PCDHA8: variants seen among roughly 807,000 people sequenced by gnomAD.
PCDHA8 encodes the protein protocadherin alpha-8.
PCDHA8 carries 53 observed loss-of-function variants against 61.8 expected under a neutral mutation model. The ratio of observed to expected loss-of-function variants is 0.86; its 90% CI spans 0.69 to 1.08. PCDHA8 has a LOEUF of 1.08. PCDHA8 is among the 50% of genes least tolerant of loss of function. The pLI, the probability that PCDHA8 is intolerant of heterozygous loss-of-function variation, is 0.00. For missense variants in PCDHA8, 1,293 were observed against 1,245.0 expected (o/e 1.04, Z -0.58); for synonymous variants, 618 against 556.6 (o/e 1.11, Z -1.55).
chr5:140,900,840 T>C (rs6874218), intron 1 of PCDHA8, among the ~76,000 whole-genome samples: 1 of 151,950 alleles, frequency 6.6e-6, no homozygotes, highest in Admixed American at 6.6e-5. Flanking sequence ...ATGTACAAAG[T>C]TTCCCTTTTT....
intron 1 of PCDHA8, among the ~76,000 whole-genome samples, chr5:140,891,611 T>G (rs1457156522): frequency 6.6e-6 from 1 of 152,226 alleles, no homozygotes; most frequent in East Asian, 1.9e-4. Context: ...TTTCTACCTT[T>G]TATTTTAACA....
intron 1 of PCDHA8, chr5:140,968,059 G>A (rs1554230273): frequency 6.2e-7 from 1 of 1,614,106 alleles, no homozygotes; most frequent in South Asian, 1.1e-5. Context: ...ACCGAGAGCG[G>A]GTGGCTGTCT....
At chr5:140,960,112 T>C (rs145534809) in intron 1 of PCDHA8, among the ~76,000 whole-genome samples, 45 of 152,352 alleles carry the variant, frequency 3.0e-4, no homozygotes, top group Non-Finnish European at 4.3e-4. Flanking sequence ...GTGGGAACAA[T>C]AGTATTCCTT....
chr5:140,852,133 A>G, intron 1 of PCDHA8: 1 of 888,968 alleles, frequency 1.1e-6, no homozygotes, highest in Non-Finnish European at 1.4e-6. Context: ...AAAACTCAGT[A>G]GAGAAAGATC....
rs2150349206 is a variant in PCDHA8, at chr5:140,842,984, G to T, written c.1663G>T (p.Val555Leu). The T allele has an allele frequency of 1.3e-6, 2 of 1,595,034 alleles. No homozygotes were observed. Among genetic ancestry groups the T allele is most frequent in the Non-Finnish European group, 8.6e-7 (1 of 1,165,522 alleles). Residue 555 changes from valine (V) to leucine (L), a missense_variant, in exon 1 of 4, where the codon GTG becomes TTG. By Grantham distance (32) the Val-to-Leu change is conservative. Coordinates refer to ENST00000531613, the MANE Select transcript of PCDHA8 (RefSeq NM_018911.3). ...CAGCAACGTGACGCTGCAGGTGTTC[G>T]TGCTGGACGAGAATGACAACGCGCC... ...LGSNVTLQVF[V>L]LDENDNAPAL...
At chr5:140,871,422 C>T in intron 1 of PCDHA8, 1 of 1,613,658 alleles carries the variant, frequency 6.2e-7, no homozygotes, top group Non-Finnish European at 8.5e-7. Context: ...CCTTCAGCCC[C>T]AGTCTTCCTC....
chr5:140,965,879 G>C (rs920261632), intron 1 of PCDHA8, among the ~76,000 whole-genome samples: 1 of 152,216 alleles, frequency 6.6e-6, no homozygotes, highest in Non-Finnish European at 1.5e-5. Flanking sequence ...ACTTGGCCGA[G>C]AGCAGAATTG....
At chr5:140,961,864 AG>A (rs2095638942) in intron 1 of PCDHA8, among the ~76,000 whole-genome samples, 3 of 151,832 alleles carry the variant, frequency 2.0e-5, no homozygotes, top group Non-Finnish European at 2.9e-5. Context: ...ATCTGGCCAC[AG>A]ATAATTGACT....
chr5:140,954,895 A>G (rs782412576), intron 1 of PCDHA8, among the ~76,000 whole-genome samples: 66 of 152,096 alleles, frequency 4.3e-4, no homozygotes, highest in African/African-American at 1.4e-3. Context: ...TAGGGTTTTT[A>G]TAGTTTCATA....
chr5:140,978,440 T>C, intron 1 of PCDHA8, among the ~76,000 whole-genome samples: 1 of 152,244 alleles, frequency 6.6e-6, no homozygotes. Context: ...GCTGGTGTTA[T>C]GACTGGGCAC....
At position 141,011,610 on chromosome 5, in the gene PCDHA8, A is replaced by G. The variant is rs1259686391; in HGVS notation, c.*1673A>G. ...ACTGGTGATTCAAGGAATTTTATTT[A>G]TGGTCCAGCCAAGAGCCATCTCGTG... On this transcript the variant is annotated 3_prime_UTR_variant, in exon 4 of 4. Transcript: ENST00000531613. 6 of 153,722 alleles carry G rather than the reference A, an allele frequency of 3.9e-5. No individual in the cohort carries two copies. Among genetic ancestry groups the G allele is most frequent in the African/African-American group, 1.2e-4 (5 of 41,448 alleles). 9.5% of individuals were successfully genotyped at this position (153,722 alleles called of 1,614,324 possible). A position where few individuals can be genotyped will look rare whatever the true frequency, so the allele number is the denominator to read the frequency against.
In PCDHA8 at chr5:140,858,243, C is replaced by T. The variant is rs781796341; in HGVS notation, c.2394+14528C>T. On this transcript the variant is annotated intron_variant, in intron 1 of 3. Transcript: ENST00000531613. ...GCGCCCACCGAGGGCGCATGTGGGC[C>T]GGTGAAGCCCACGCTGGTGTGCTCT... The T allele has an allele frequency of 6.9e-6, 11 of 1,595,896 alleles. No homozygotes were observed. The highest frequency in any genetic ancestry group is 6.9e-6 in the Non-Finnish European group (8 of 1,165,828).
rs782722148 is a variant in PCDHA8 at position 140,857,308 on chromosome 5, T to C, written c.2394+13593T>C. 3.4e-5 allele frequency: 54 copies of C among 1,598,232 alleles called. 3 individuals carry two copies. The highest frequency in any genetic ancestry group is 4.5e-5 in the Non-Finnish European group (53 of 1,167,612). On this transcript the variant is annotated intron_variant, in intron 1 of 3. Transcript: ENST00000531613. ...TGGACCGCGAGAGGGTGTCGGCCTA[T>C]GAGCTGGTGGTGACCGCGCGGGACG...
chr5:140,994,258 G>A (rs2097608740), intron 3 of PCDHA8, among the ~76,000 whole-genome samples: 1 of 152,122 alleles, frequency 6.6e-6, no homozygotes, highest in Admixed American at 6.5e-5. Flanking sequence ...GGTAAATAAG[G>A]TAAGCTAGGC....
chr5:140,864,277 T>C (rs1203382304), intron 1 of PCDHA8: 1 of 152,228 alleles, frequency 6.6e-6, no homozygotes, highest in African/African-American at 2.4e-5. Context: ...CTCCATTCCT[T>C]ATTGTTTTTA....
In PCDHA8 at chr5:140,928,308, C is replaced by T. The variant is rs1554205728; in HGVS notation, c.2395-50641C>T. On this transcript the variant is annotated intron_variant, in intron 1 of 3. Transcript: ENST00000531613. The stretch of plus-strand genomic sequence containing the variant: ...TAGGCCGAGTGTTTGCCCAGGACCC[C>T]GACCTGGGGAAGAATGGCCTTGTCT... 3.7e-6 allele frequency: 6 copies of T among 1,614,008 alleles called. No individual in the cohort carries two copies. The South Asian group carries it at 5.5e-5, about 15-fold the overall frequency.
intron 1 of PCDHA8, chr5:140,928,951 G>C (rs2032668535): frequency 6.2e-7 from 1 of 1,614,028 alleles, no homozygotes; most frequent in Non-Finnish European, 8.5e-7. Flanking sequence ...TTTAGTAATT[G>C]CCTTGGCTTG....
At chr5:140,869,188 G>A (rs200563745) in intron 1 of PCDHA8, 5 of 1,613,828 alleles carry the variant, frequency 3.1e-6, no homozygotes, top group African/African-American at 2.7e-5. Context: ...GGTGGGGAGC[G>A]GCCAGCTCCA....
chr5:140,998,664 A>C (rs1204598567), intron 3 of PCDHA8, among the ~76,000 whole-genome samples: 1 of 151,936 alleles, frequency 6.6e-6, no homozygotes, highest in Non-Finnish European at 1.5e-5. Flanking sequence ...TCCTGGGTTC[A>C]AGTGATTCTC....
Sources: allele counts gnomAD v4.1 joint callset (sites outside exome capture counted in the v4.1 genomes callset), GRCh38; gene constraint gnomAD v4.1.1; transcripts MANE v1.5; gene names NCBI Gene and HGNC (gene_info 2026-07-23, HGNC 2026-07-21).